The following DCLK3 variants were observed in gnomAD, a reference collection of about 807,000 sequenced individuals.
The protein encoded by DCLK3 is serine/threonine-protein kinase DCLK3.
Under a neutral mutation model 46.4 loss-of-function variants are expected in DCLK3, and 30 were observed. The observed-to-expected ratio is 0.65, with a 90% CI of 0.48 to 0.88. DCLK3 has a LOEUF of 0.88. DCLK3 is among the 40% of genes least tolerant of loss of function. The probability of loss-of-function intolerance (pLI) is 0.00; values close to 1 mark genes in which losing one functional copy is unlikely to be tolerated. For synonymous variants in DCLK3, 401 were observed against 339.2 expected, an observed-to-expected ratio of 1.18 and a Z score of -2.00; for missense variants, 846 against 907.1, an observed-to-expected ratio of 0.93 and a Z score of 0.87.
At chr3:36,754,403 G>A (rs1378965552) in intron 1 of DCLK3, among the ~76,000 whole-genome samples, 6 of 152,180 alleles carry the variant, frequency 3.9e-5, no homozygotes, top group Non-Finnish European at 8.8e-5. Context: ...CCCTGTTAGG[G>A]ACGTAGTCAC....
intron 1 of DCLK3, among the ~76,000 whole-genome samples, chr3:36,763,022 A>T (rs950864782): frequency 5.9e-5 from 9 of 151,916 alleles, no homozygotes; most frequent in African/African-American, 2.2e-4. Flanking sequence ...ATTGCTGTAG[A>T]TGCCTCATTG....
intron 1 of DCLK3, among the ~76,000 whole-genome samples, chr3:36,762,962 G>A (rs1156718510): frequency 6.6e-6 from 1 of 151,454 alleles, no homozygotes; most frequent in Non-Finnish European, 1.5e-5. Flanking sequence ...TTCTTCCTGA[G>A]GGTCTTGCTT....
At chr3:36,756,261 A>G (rs1701483724) in intron 1 of DCLK3, among the ~76,000 whole-genome samples, 1 of 152,202 alleles carries the variant, frequency 6.6e-6, no homozygotes, top group Non-Finnish European at 1.5e-5. Context: ...AGGGGCAAGG[A>G]AACTGTGATA....
At chr3:36,749,335 C>A (rs1405256781) in intron 1 of DCLK3, among the ~76,000 whole-genome samples, 1 of 152,212 alleles carries the variant, frequency 6.6e-6, no homozygotes, top group Non-Finnish European at 1.5e-5. Flanking sequence ...AGTTTCCTTT[C>A]CCTCCTTGGT....
At chr3:36,757,341 C>T (rs1250693772) in intron 1 of DCLK3, among the ~76,000 whole-genome samples, 3 of 152,096 alleles carry the variant, frequency 2.0e-5, no homozygotes, top group Admixed American at 2.0e-4. Flanking sequence ...TCCAAAAACA[C>T]AGAGTGGAAA....
intron 3 of DCLK3, among the ~76,000 whole-genome samples, chr3:36,719,984 A>C (rs1216470636): frequency 5.9e-5 from 9 of 152,228 alleles, no homozygotes; most frequent in Admixed American, 5.9e-4. Context: ...ATTTAAGCTC[A>C]ACCTACCCAA....
intron 2 of DCLK3, chr3:36,729,607 T>C (rs1043162567): frequency 1.3e-5 from 2 of 152,208 alleles, no homozygotes; most frequent in African/African-American, 2.4e-5. Flanking sequence ...CCTTCAATGG[T>C]ACCTCAATTT....
rs1207693733 is a variant in DCLK3, at chr3:36,746,864, G to C, written c.83-7780C>G. Among the ~76,000 whole-genome samples the C allele has an allele frequency of 2.0e-5, 3 of 152,306 alleles. No homozygotes were observed. The East Asian group carries it at 5.8e-4, about 29-fold the overall frequency. ...TAAGTCCTGTTGAAGTGCGGGTCCT[G>C]ATTCAGACAGTCTGGGTGGGGCCTG... On this transcript the variant is annotated intron_variant, in intron 1 of 4. Transcript: ENST00000636136.
chr3:36,738,203 C>T lies in DCLK3; in HGVS notation c.964G>A (p.Glu322Lys). 3.1e-6 allele frequency: 5 copies of T among 1,611,558 alleles called. No individual in the cohort carries two copies. The highest frequency in any genetic ancestry group is 3.4e-6 in the Non-Finnish European group (4 of 1,179,306). Residue 322 changes from glutamate (E) to lysine (K), a missense_variant, in exon 2 of 5, where the codon GAG becomes AAG. By Grantham distance (56) the Glu-to-Lys change is moderately conservative (BLOSUM62 1). Coordinates refer to ENST00000636136, the MANE Select transcript of DCLK3 (RefSeq NM_001394672.2). ...KRERELQQSL[E>K]RERLSLGTSE... The stretch of plus-strand genomic sequence containing the variant: ...GTCCCCAGAGAAAGCCTCTCACGCT[C>T]CAGGCTCTGCTGGAGCTCCCTCTCT...
intron 1 of DCLK3, among the ~76,000 whole-genome samples, chr3:36,756,527 C>T (rs1701485976): frequency 6.6e-6 from 1 of 152,206 alleles, no homozygotes; most frequent in South Asian, 2.1e-4. Flanking sequence ...GAACCACTGC[C>T]TCTGGCACAA....
chr3:36,743,279 A>AAG (rs1159485331), intron 1 of DCLK3, among the ~76,000 whole-genome samples: 20 of 151,018 alleles, frequency 1.3e-4, no homozygotes, highest in East Asian at 9.7e-4. Context: ...AATCCAAAAA[A>AAG]AAAAAAAAAA....
chr3:36,725,204 C>G (rs948243818), intron 2 of DCLK3, among the ~76,000 whole-genome samples: 1 of 151,130 alleles, frequency 6.6e-6, no homozygotes, highest in African/African-American at 2.4e-5. Context: ...CCCAGCTACT[C>G]TGAAGGCTGA....
intron 1 of DCLK3, among the ~76,000 whole-genome samples, chr3:36,756,753 G>A (rs982624256): frequency 6.6e-6 from 1 of 152,040 alleles, no homozygotes; most frequent in African/African-American, 2.4e-5. Flanking sequence ...TTGTGGGTAT[G>A]GAAACTGCTG....
intron 2 of DCLK3, 77 bp from the exon 3 acceptor site, chr3:36,721,736 T>C (rs927433497): frequency 8.2e-6 from 13 of 1,583,590 alleles, no homozygotes; most frequent in Admixed American, 1.7e-5. Flanking sequence ...ACAACAGCCA[T>C]GCAAGGTCAA....
chr3:36,720,672 T>C (rs1399268163), intron 3 of DCLK3, among the ~76,000 whole-genome samples: 1 of 152,036 alleles, frequency 6.6e-6, no homozygotes, highest in Non-Finnish European at 1.5e-5. Context: ...GCCCAGCTAA[T>C]TTTTTTGTAG....
chr3:36,759,077 A>G (rs1701513550), intron 1 of DCLK3, among the ~76,000 whole-genome samples: 1 of 152,238 alleles, frequency 6.6e-6, no homozygotes, highest in African/African-American at 2.4e-5. Flanking sequence ...AAACTACTAC[A>G]TATCTGAACT....
intron 2 of DCLK3, among the ~76,000 whole-genome samples, chr3:36,733,290 T>C (rs1336390032): frequency 6.6e-6 from 1 of 152,142 alleles, no homozygotes; most frequent in Non-Finnish European, 1.5e-5. Context: ...AGTGGAGGTG[T>C]AGCAGCATGC....
intron 2 of DCLK3, among the ~76,000 whole-genome samples, chr3:36,726,220 C>G (rs896370741): frequency 6.6e-6 from 1 of 152,062 alleles, no homozygotes; most frequent in African/African-American, 2.4e-5. Flanking sequence ...TAATCAGACA[C>G]AAGTCAATAC....
chr3:36,736,613 T>C (rs1052025535), intron 2 of DCLK3, among the ~76,000 whole-genome samples: 1 of 152,128 alleles, frequency 6.6e-6, no homozygotes, highest in Non-Finnish European at 1.5e-5. Flanking sequence ...ACAGGCACCA[T>C]TACCATCTCT....
Sources: gnomAD v4.1 joint callset for allele counts (sites outside exome capture counted in the v4.1 genomes callset) on GRCh38, gnomAD v4.1.1 for gene constraint, MANE v1.5 for transcripts, NCBI Gene and HGNC (gene_info 2026-07-23, HGNC 2026-07-21) for gene names.